The following BLTP3A variants were observed in gnomAD, a reference collection of about 807,000 sequenced individuals.
BLTP3A encodes the protein ICBP90 binding protein 1.
the BLTP3A span, among the ~76,000 whole-genome samples, chr6:34,840,613 A>T: frequency 6.6e-6 from 1 of 151,122 alleles, no homozygotes; most frequent in Non-Finnish European, 1.5e-5. Context: ...TATTACAATT[A>T]ATTTCACTTT....
the BLTP3A span, among the ~76,000 whole-genome samples, chr6:34,801,985 C>T: frequency 6.6e-6 from 1 of 152,142 alleles, no homozygotes; most frequent in Non-Finnish European, 1.5e-5. Context: ...GATCCACCCA[C>T]CTCGGCCTCC....
the BLTP3A span, among the ~76,000 whole-genome samples, chr6:34,808,346 C>CAAAAAAAAAA: frequency 4.1e-3 from 109 of 26,700 alleles, 8 homozygotes; most frequent in East Asian, 0.044. Flanking sequence ...AACTCCGTCT[C>CAAAAAAAAAA]AAAAAAAAAA....
the BLTP3A span, among the ~76,000 whole-genome samples, chr6:34,796,861 C>T: frequency 9.2e-5 from 14 of 152,178 alleles, no homozygotes; most frequent in Non-Finnish European, 2.1e-4. Flanking sequence ...CACGCCACCA[C>T]GCCCGGCTAA....
chr6:34,829,466 A>G, the BLTP3A span, among the ~76,000 whole-genome samples: 1 of 152,334 alleles, frequency 6.6e-6, no homozygotes, highest in East Asian at 1.9e-4. Context: ...TGTTTTAGGT[A>G]AATATATACT....
At chr6:34,818,020 AT>A in the BLTP3A span, among the ~76,000 whole-genome samples, 31 of 146,998 alleles carry the variant, frequency 2.1e-4, no homozygotes, top group Admixed American at 2.7e-4. Context: ...CGACCGGCTA[AT>A]TTTTTTTTTT....
chr6:34,810,898 A>G, the BLTP3A span, among the ~76,000 whole-genome samples: 1 of 152,368 alleles, frequency 6.6e-6, no homozygotes, highest in Non-Finnish European at 1.5e-5. Flanking sequence ...ATAGATTAGT[A>G]TAAACTTTAG....
the BLTP3A span, chr6:34,855,902 G>T: frequency 2.0e-6 from 2 of 985,404 alleles, no homozygotes; most frequent in Non-Finnish European, 2.4e-6. Context: ...TATCAGTAAT[G>T]AGAGGAAGTG....
At chr6:34,854,405 T>C in the BLTP3A span, among the ~76,000 whole-genome samples, 1 of 152,114 alleles carries the variant, frequency 6.6e-6, no homozygotes, top group Admixed American at 6.5e-5. Flanking sequence ...AGTTTTGAAG[T>C]TAAATATTGA....
the BLTP3A span, among the ~76,000 whole-genome samples, chr6:34,851,283 T>C: frequency 1.3e-5 from 2 of 152,278 alleles, no homozygotes; most frequent in East Asian, 3.9e-4. Context: ...CCCGTTCTTG[T>C]GAAGGCTTCC....
the BLTP3A span, chr6:34,792,112 G>T: frequency 6.0e-6 from 4 of 667,904 alleles, no homozygotes; most frequent in Admixed American, 1.3e-4. Context: ...CCAAAGAGGG[G>T]CGAGAAAGCG....
the BLTP3A span, among the ~76,000 whole-genome samples, chr6:34,848,434 T>C: frequency 1.3e-5 from 2 of 151,920 alleles, no homozygotes; most frequent in Non-Finnish European, 2.9e-5. Context: ...GGCAAAATCC[T>C]GTTTCTACTA....
the BLTP3A span, chr6:34,867,226 G>A: frequency 6.2e-7 from 1 of 1,608,970 alleles, no homozygotes; most frequent in African/African-American, 1.3e-5. Flanking sequence ...TTCATGCAGA[G>A]TCTGGTCCAG....
the BLTP3A span, among the ~76,000 whole-genome samples, chr6:34,849,058 G>A: frequency 1.3e-5 from 2 of 151,138 alleles, no homozygotes; most frequent in Non-Finnish European, 2.9e-5. Flanking sequence ...GAGTGAAGTG[G>A]CGTGATCTCA....
At chr6:34,854,638 T>C in the BLTP3A span, among the ~76,000 whole-genome samples, 1 of 152,332 alleles carries the variant, frequency 6.6e-6, no homozygotes, top group Non-Finnish European at 1.5e-5. Flanking sequence ...GGGGTGATTA[T>C]GAAGAGTTGA....
At chr6:34,826,683 C>G in the BLTP3A span, among the ~76,000 whole-genome samples, 1 of 152,088 alleles carries the variant, frequency 6.6e-6, no homozygotes, top group Non-Finnish European at 1.5e-5. Context: ...ACTCTTTATA[C>G]ATGTTTTTTT....
the BLTP3A span, among the ~76,000 whole-genome samples, chr6:34,833,160 A>G: frequency 6.6e-6 from 1 of 152,194 alleles, no homozygotes; most frequent in Non-Finnish European, 1.5e-5. Flanking sequence ...AACCAAATGC[A>G]GATCAAAATA....
the BLTP3A span, chr6:34,875,249 C>T: frequency 6.6e-6 from 1 of 152,526 alleles, no homozygotes; most frequent in Non-Finnish European, 1.5e-5. Flanking sequence ...TGTCCCTCAA[C>T]AAACTACTCC....
At chr6:34,857,478 T>C in the BLTP3A span, 4 of 1,613,270 alleles carry the variant, frequency 2.5e-6, no homozygotes, top group Non-Finnish European at 3.4e-6. Flanking sequence ...CAGGTAAGCA[T>C]CTAGGCTGGC....
chr6:34,860,144 G>C, the BLTP3A span, among the ~76,000 whole-genome samples: 1 of 152,024 alleles, frequency 6.6e-6, no homozygotes, highest in African/African-American at 2.4e-5. Context: ...TGTGGCTTTG[G>C]ACTTGTTTTT....
Sources: allele counts gnomAD v4.1 joint callset (sites outside exome capture counted in the v4.1 genomes callset), GRCh38; gene constraint gnomAD v4.1.1; transcripts MANE v1.5; gene names NCBI Gene and HGNC (gene_info 2026-07-23, HGNC 2026-07-21).